Variants in MGST1 observed in about 807,000 individuals in gnomAD.
MGST1 encodes the protein microsomal glutathione S-transferase 1.
A neutral mutation model predicts 8.9 loss-of-function variants in MGST1; 5 were observed. That is an observed-to-expected ratio of 0.56 (90% CI 0.29 to 1.19). The LOEUF is 1.19. Among genes scored for constraint, MGST1 ranks in the 50% most tolerant of loss-of-function variants. The pLI, the probability that MGST1 is intolerant of heterozygous loss-of-function variation, is 0.08. For missense variants in MGST1, 182 were observed against 187.4 expected, an observed-to-expected ratio of 0.97 and a Z score of 0.17; for synonymous variants, 54 against 67.8, an observed-to-expected ratio of 0.80 and a Z score of 1.00.
intron 4 of MGST1, among the ~76,000 whole-genome samples, chr12:16,509,395 G>C (rs1796815988): frequency 1.3e-5 from 2 of 151,900 alleles, no homozygotes; most frequent in African/African-American, 4.8e-5. Context: ...CATCAATCTT[G>C]GATTTTCATA....
chr12:16,537,996 C>T lies in MGST1; in HGVS notation n.483-51532C>T, dbSNP rs190365990. 6.6e-6 allele frequency among the ~76,000 whole-genome samples: 1 copy of T among 152,158 alleles called. No homozygotes were observed. The highest frequency in any genetic ancestry group is 2.4e-5 in the African/African-American group (1 of 41,440). On this transcript the variant is annotated intron_variant and non_coding_transcript_variant, in intron 4 of 4. Coordinates refer to the MGST1 transcript ENST00000538857. This position sits in a 1 kb window ranked among gnomAD's most constrained non-coding sequence, Gnocchi z 4.6. ...ATTTCTTCTCAAAAAATGGGTTGTTCTTTTCTACTGCATCATCTGGCTGCA... is the reference window on the plus strand; with the variant it reads ...ATTTCTTCTCAAAAAATGGGTTGTTTTTTTCTACTGCATCATCTGGCTGCA...
At chr12:16,464,350 T>G (rs903350559) in intron 4 of MGST1, among the ~76,000 whole-genome samples, 12 of 152,122 alleles carry the variant, frequency 7.9e-5, no homozygotes, top group African/African-American at 2.9e-4. Context: ...AGAGAAAAAT[T>G]TTCTGTTGTT....
At chr12:16,384,205 C>G (rs1398462295) in intron 1 of MGST1, among the ~76,000 whole-genome samples, 1 of 152,012 alleles carries the variant, frequency 6.6e-6, no homozygotes, top group African/African-American at 2.4e-5. Context: ...AGGATATGCC[C>G]CATGTAATTG....
intron 4 of MGST1, among the ~76,000 whole-genome samples, chr12:16,525,833 A>C (rs1245941676): frequency 1.3e-5 from 2 of 151,368 alleles, no homozygotes; most frequent in Non-Finnish European, 2.9e-5. Context: ...AATGATTGCC[A>C]TTCTAACTGG....
At chr12:16,520,193 A>C (rs977656981) in intron 4 of MGST1, among the ~76,000 whole-genome samples, 6 of 152,170 alleles carry the variant, frequency 3.9e-5, no homozygotes, top group African/African-American at 1.4e-4. Context: ...TTTAGAAATA[A>C]GGAAACCAGA....
chr12:16,399,542 A>G, intron 1 of MGST1: 5 of 1,567,064 alleles, frequency 3.2e-6, no homozygotes, highest in Admixed American at 1.7e-5. Context: ...AATAATCTTC[A>G]TCACTGTCCT....
chr12:16,495,018 C>T (rs376417456), intron 4 of MGST1, among the ~76,000 whole-genome samples: 6 of 152,132 alleles, frequency 3.9e-5, no homozygotes, highest in South Asian at 4.1e-4. Flanking sequence ...GTACCAAATA[C>T]GCACCAGCTG....
chr12:16,421,019 T>C (rs1283829558), intron 1 of MGST1, among the ~76,000 whole-genome samples: 5 of 152,124 alleles, frequency 3.3e-5, no homozygotes, highest in African/African-American at 7.2e-5. Flanking sequence ...CTGGTACTCA[T>C]TGTCTCTCTT....
chr12:16,457,666 G>A (rs1941186406), intron 4 of MGST1, among the ~76,000 whole-genome samples: 1 of 151,830 alleles, frequency 6.6e-6, no homozygotes, highest in African/African-American at 2.4e-5. Flanking sequence ...ATGCTGTAAT[G>A]CAGAAGATTT....
At chr12:16,578,818 A>AAACAACAACAAC (rs201327858) in intron 4 of MGST1, among the ~76,000 whole-genome samples, 70 of 141,136 alleles carry the variant, frequency 5.0e-4, no homozygotes, top group East Asian at 2.2e-3. Flanking sequence ...ATTCTGTCTC[A>AAACAACAACAAC]AACAACAACA....
chr12:16,453,678 G>A (rs1484855434), intron 4 of MGST1, among the ~76,000 whole-genome samples: 1 of 151,926 alleles, frequency 6.6e-6, no homozygotes, highest in East Asian at 1.9e-4. Flanking sequence ...CAGTGAGGAA[G>A]TGTCTGTTCC....
intron 3 of MGST1, among the ~76,000 whole-genome samples, chr12:16,360,907 T>C (rs1939959314): frequency 6.6e-6 from 1 of 152,186 alleles, no homozygotes; most frequent in Admixed American, 6.5e-5. Context: ...TATGTATCAC[T>C]GTCATTTCTT....
chr12:16,379,645 G>A (rs1482478174), downstream of MGST1, among the ~76,000 whole-genome samples: 1 of 152,164 alleles, frequency 6.6e-6, no homozygotes, highest in African/African-American at 2.4e-5. Context: ...TTGGTATCAG[G>A]ATGATGCTGG....
chr12:16,447,258 G>A (rs181751726), intron 4 of MGST1, among the ~76,000 whole-genome samples: 18 of 151,990 alleles, frequency 1.2e-4, no homozygotes, highest in Admixed American at 1.1e-3. Context: ...CTTAAAACCA[G>A]TCATTTATCC....
rs1940736503 is a variant in MGST1, at chr12:16,410,816, A to G, written n.779-26572A>G. The stretch of plus-strand genomic sequence containing the variant: ...CCTTCACCAGCTTCTCATTATTCAC[A>G]AGAATAACGCCTACATATAACTATT... On this transcript the variant is annotated intron_variant and non_coding_transcript_variant, in intron 1 of 1. Transcript: ENST00000359720. The surrounding 1 kb of genome is among the most constrained non-coding windows in gnomAD (Gnocchi z 4.4). 6.6e-6 allele frequency among the ~76,000 whole-genome samples: 1 copy of G among 151,888 alleles called. No homozygotes were observed. Among genetic ancestry groups the G allele is most frequent in the Admixed American group, 6.6e-5 (1 of 15,226 alleles).
intron 1 of MGST1, among the ~76,000 whole-genome samples, chr12:16,430,028 T>C (rs751066309): frequency 6.6e-6 from 1 of 152,252 alleles, no homozygotes; most frequent in Non-Finnish European, 1.5e-5. Context: ...GTTCATGTAA[T>C]ATTCTAAATC....
intron 4 of MGST1, among the ~76,000 whole-genome samples, chr12:16,565,288 T>G (rs1237814757): frequency 3.9e-5 from 6 of 152,246 alleles, no homozygotes; most frequent in Admixed American, 3.9e-4. Flanking sequence ...TGGGAAGGAA[T>G]GAACATTTTC....
intron 1 of MGST1, among the ~76,000 whole-genome samples, chr12:16,388,067 A>T (rs965208407): frequency 6.6e-6 from 1 of 151,972 alleles, no homozygotes; most frequent in Non-Finnish European, 1.5e-5. Flanking sequence ...CTCAGAATGT[A>T]TCTCTGTTGT....
At chr12:16,492,431 G>T (rs528051838) in intron 4 of MGST1, among the ~76,000 whole-genome samples, 1 of 152,056 alleles carries the variant, frequency 6.6e-6, no homozygotes, top group Non-Finnish European at 1.5e-5. Flanking sequence ...GCCAATTGCC[G>T]TCTGACCTCT....
Sources: allele counts gnomAD v4.1 joint callset (sites outside exome capture counted in the v4.1 genomes callset), GRCh38; gene constraint gnomAD v4.1.1; non-coding constraint Gnocchi (gnomAD v3.1); transcripts MANE v1.5; gene names NCBI Gene and HGNC (gene_info 2026-07-23, HGNC 2026-07-21).